DYM: variants seen among roughly 807,000 people sequenced by gnomAD.
The protein encoded by DYM is dyggve-Melchior-Clausen syndrome protein.
In DYM, 78 loss-of-function variants were observed where a neutral mutation model predicts 93.1. That is an observed-to-expected ratio of 0.84 (90% CI 0.70 to 1.01). The LOEUF is 1.01. Among genes scored for constraint, DYM ranks in the 50% least tolerant of loss-of-function variants. DYM has a pLI of 0.00. For synonymous variants in DYM, 321 were observed against 319.7 expected, an observed-to-expected ratio of 1.00 and a Z score of -0.04; for missense variants, 789 against 845.0, an observed-to-expected ratio of 0.93 and a Z score of 0.82.
chr18:49,195,916 C>CTTTTTTTTT lies in DYM; in HGVS notation c.1625+13626_1625+13634dup, dbSNP rs540189318. Among the ~76,000 whole-genome samples, 337 of 84,018 alleles carry CTTTTTTTTT rather than the reference C, an allele frequency of 4.0e-3. 49 individuals are homozygous for CTTTTTTTTT. Among genetic ancestry groups the CTTTTTTTTT allele is most frequent in the African/African-American group, 0.016 (286 of 17,730 alleles). 55.1% of individuals were successfully genotyped at this position (84,018 alleles called of 152,430 possible). ...ATTATGCTCTCTTGAATGCTACCAT[C>CTTTTTTTTT]TTTTTTTTTTTTTTTTTTTTTTTTT... On this transcript the variant is annotated intron_variant, in intron 14 of 17. Transcript: ENST00000675505.
At chr18:49,213,223 A>G (rs1041201794) in intron 13 of DYM, among the ~76,000 whole-genome samples, 25 of 152,162 alleles carry the variant, frequency 1.6e-4, no homozygotes, top group Admixed American at 1.3e-3. Flanking sequence ...TCCAAGGTGA[A>G]GTTTTCTAAT....
At chr18:49,358,960 C>T (rs1422881169) in intron 6 of DYM, among the ~76,000 whole-genome samples, 2 of 152,182 alleles carry the variant, frequency 1.3e-5, no homozygotes, top group Non-Finnish European at 2.9e-5. Flanking sequence ...TGGGTCTATA[C>T]GGCATCACTG....
At chr18:49,168,239 A>ATG (rs2088169393) in intron 14 of DYM, among the ~76,000 whole-genome samples, 1 of 152,126 alleles carries the variant, frequency 6.6e-6, no homozygotes, top group South Asian at 2.1e-4. Flanking sequence ...ATATATATAT[A>ATG]TGGACACATA....
intron 10 of DYM, among the ~76,000 whole-genome samples, chr18:49,281,089 C>T (rs1427538730): frequency 6.6e-6 from 1 of 152,182 alleles, no homozygotes; most frequent in East Asian, 1.9e-4. Context: ...CTGCAATGAA[C>T]TCCAACAAAG....
chr18:49,380,149 T>C (rs2067909560), intron 3 of DYM, among the ~76,000 whole-genome samples: 2 of 152,106 alleles, frequency 1.3e-5, no homozygotes, highest in South Asian at 4.1e-4. Flanking sequence ...ACTATAAAAG[T>C]TTATTAAATC....
chr18:49,067,339 A>T, intron 17 of DYM, among the ~76,000 whole-genome samples: 1 of 26,900 alleles, frequency 3.7e-5, no homozygotes, highest in African/African-American at 1.6e-4. Context: ...TGTTATGGAG[A>T]TTCAGTAGGG....
At chr18:49,435,733 G>T (rs1478923764) in intron 1 of DYM, among the ~76,000 whole-genome samples, 1 of 152,072 alleles carries the variant, frequency 6.6e-6, no homozygotes, top group Non-Finnish European at 1.5e-5. Context: ...AGGTTGCAGT[G>T]AACCGAGATC....
intron 2 of DYM, 40 bp downstream of exon 2, chr18:49,430,215 G>A (rs1374038721): frequency 1.3e-6 from 2 of 1,588,800 alleles, no homozygotes; most frequent in Non-Finnish European, 1.7e-6. Flanking sequence ...AGTTGATATG[G>A]CCCTCTATTC....
chr18:49,435,086 T>C (rs2080706629), intron 1 of DYM, among the ~76,000 whole-genome samples: 1 of 124,850 alleles, frequency 8.0e-6, no homozygotes, highest in Non-Finnish European at 1.7e-5. Flanking sequence ...TGTGCGCCTA[T>C]AATCCCAGCT....
At chr18:49,199,711 T>G (rs1013585732) in intron 14 of DYM, among the ~76,000 whole-genome samples, 10 of 152,234 alleles carry the variant, frequency 6.6e-5, no homozygotes, top group African/African-American at 2.2e-4. Context: ...TCATTACAGA[T>G]TAAGTGAATA....
chr18:49,140,047 C>G (rs2144381680), intron 15 of DYM, among the ~76,000 whole-genome samples: 1 of 152,158 alleles, frequency 6.6e-6, no homozygotes, highest in Non-Finnish European at 1.5e-5. Context: ...ACAATGGGCA[C>G]CCATTCAATA....
intron 5 of DYM, among the ~76,000 whole-genome samples, chr18:49,365,777 C>A (rs2066465122): frequency 6.6e-6 from 1 of 152,154 alleles, no homozygotes; most frequent in South Asian, 2.1e-4. Context: ...CACTCAGGAA[C>A]CACAGATGGT....
intron 17 of DYM, among the ~76,000 whole-genome samples, chr18:49,086,999 T>A (rs900693897): frequency 4.8e-5 from 7 of 146,042 alleles, no homozygotes; most frequent in Non-Finnish European, 9.1e-5. Flanking sequence ...AAAATAAAAA[T>A]AAAAAAAAAA....
At chr18:49,390,308 T>TAGCC (rs759274070) in intron 3 of DYM, among the ~76,000 whole-genome samples, 1 of 152,086 alleles carries the variant, frequency 6.6e-6, no homozygotes, top group Non-Finnish European at 1.5e-5. Flanking sequence ...CATGCACCTA[T>TAGCC]AGCCCCAGCT....
chr18:49,444,451 C>T (rs914254848), intron 1 of DYM, among the ~76,000 whole-genome samples: 3 of 152,154 alleles, frequency 2.0e-5, no homozygotes, highest in Admixed American at 6.5e-5. Flanking sequence ...ACAGGGTCTA[C>T]GTGCAAAACC....
intron 5 of DYM, among the ~76,000 whole-genome samples, chr18:49,376,312 T>A (rs774870441): frequency 1.2e-4 from 18 of 152,204 alleles, no homozygotes; most frequent in Non-Finnish European, 1.6e-4. Context: ...AATTGTGATA[T>A]TTTTAATTCA....
intron 5 of DYM, among the ~76,000 whole-genome samples, chr18:49,366,632 C>A (rs1441369298): frequency 6.7e-6 from 1 of 150,332 alleles, no homozygotes; most frequent in African/African-American, 2.4e-5. Context: ...TCTCTTAAAA[C>A]AAACAAACAA....
intron 1 of DYM, among the ~76,000 whole-genome samples, chr18:49,460,169 G>A (rs1377620616): frequency 6.6e-6 from 1 of 152,160 alleles, no homozygotes; most frequent in African/African-American, 2.4e-5. Flanking sequence ...TTGGCCTTCG[G>A]TATCCCCCAA....
At chr18:49,299,136 C>T (rs992186262) in intron 8 of DYM, among the ~76,000 whole-genome samples, 9 of 151,998 alleles carry the variant, frequency 5.9e-5, no homozygotes, top group African/African-American at 1.9e-4. Flanking sequence ...GTACACGGAT[C>T]AATGATGATG....
Sources: gnomAD v4.1 joint callset for allele counts (sites outside exome capture counted in the v4.1 genomes callset) on GRCh38, gnomAD v4.1.1 for gene constraint, MANE v1.5 for transcripts, NCBI Gene and HGNC (gene_info 2026-07-23, HGNC 2026-07-21) for gene names.